CFAP43: variants seen among roughly 807,000 people sequenced by gnomAD.
CFAP43 encodes cilia- and flagella-associated protein 43.
CFAP43 carries 155 observed loss-of-function variants against 218.9 expected under a neutral mutation model. That is an observed-to-expected ratio of 0.71 (90% CI 0.62 to 0.81). The LOEUF is 0.81. Ranked by LOEUF, CFAP43 falls within the 30% of genes least tolerant of loss-of-function variation. CFAP43 has a pLI of 0.00. For synonymous variants in CFAP43, 645 were observed against 681.3 expected (o/e 0.95, Z 0.83); for missense variants, 1,778 against 1,954.3 (o/e 0.91, Z 1.70).
intron 8 of CFAP43, among the ~76,000 whole-genome samples, chr10:104,203,233 C>T (rs1013562047): frequency 2.0e-5 from 3 of 152,226 alleles, no homozygotes; most frequent in South Asian, 2.1e-4. Flanking sequence ...GGGGTAGACA[C>T]GTGATTCAGT....
At chr10:104,155,354 C>T (rs1378051253) in intron 27 of CFAP43, among the ~76,000 whole-genome samples, 1 of 152,174 alleles carries the variant, frequency 6.6e-6, no homozygotes, top group Non-Finnish European at 1.5e-5. Context: ...GGGATGGGCA[C>T]AGCAGCTGGC....
At chr10:104,181,093 T>C (rs1046580992) in intron 17 of CFAP43, among the ~76,000 whole-genome samples, 2 of 152,190 alleles carry the variant, frequency 1.3e-5, no homozygotes, top group Non-Finnish European at 2.9e-5. Flanking sequence ...TCTAACAGGC[T>C]TCTCGAGCTT....
In CFAP43 at chr10:104,146,247, A is replaced by G; in HGVS notation, c.3855+16T>C. 1 of 1,608,900 alleles carries G rather than the reference A, an allele frequency of 6.2e-7. No homozygotes were observed. Among genetic ancestry groups the G allele is most frequent in the Non-Finnish European group, 8.5e-7 (1 of 1,175,386 alleles). ...ACTCTACTGCATTGTTGAGTGGGTAAGACAACAACTCTCACTTTGTCTTCT... is the reference window on the plus strand; with the variant it reads ...ACTCTACTGCATTGTTGAGTGGGTAGGACAACAACTCTCACTTTGTCTTCT... On this transcript the variant is annotated intron_variant, in intron 30 of 37. Transcript: ENST00000357060.
intron 34 of CFAP43, 129 bp from the exon 35 acceptor site, chr10:104,133,913 C>T: frequency 2.2e-6 from 2 of 926,370 alleles, no homozygotes; most frequent in Non-Finnish European, 3.1e-6. Context: ...TTTTAAGAAA[C>T]AGACATTAAA....
intron 28 of CFAP43, among the ~76,000 whole-genome samples, chr10:104,151,212 C>T (rs1486869304): frequency 2.0e-5 from 3 of 152,214 alleles, no homozygotes; most frequent in African/African-American, 7.2e-5. Context: ...CATATGCATG[C>T]ATGTGTCTTT....
Position 104,166,482 on chromosome 10 carries a change from A to G in CFAP43, c.3039+6T>C, listed in dbSNP as rs2089159303. On this transcript the variant is annotated splice_donor_region_variant and intron_variant, in intron 23 of 37. Coordinates refer to ENST00000357060, the MANE Select transcript of CFAP43 (RefSeq NM_025145.7). ...ATTTTTCAGGATAAAAAGAAAATTG[A>G]CCCACTTTCAATAATATAATTTGGT... is the stretch of plus-strand genomic sequence containing the variant. 6.2e-7 allele frequency: 1 copy of G among 1,604,776 alleles called. No homozygotes were observed. The highest frequency in any genetic ancestry group is 8.5e-7 in the Non-Finnish European group (1 of 1,174,874).
intron 19 of CFAP43, among the ~76,000 whole-genome samples, chr10:104,177,745 T>C (rs1158342863): frequency 1.3e-5 from 2 of 152,156 alleles, no homozygotes; most frequent in Non-Finnish European, 2.9e-5. Context: ...ATTCTATAAG[T>C]CTCCAAAGAT....
At chr10:104,182,774 T>C (rs1176414179) in intron 16 of CFAP43, among the ~76,000 whole-genome samples, 1 of 152,148 alleles carries the variant, frequency 6.6e-6, no homozygotes, top group African/African-American at 2.4e-5. Context: ...TACAGTGATG[T>C]AATCACAGCT....
intron 20 of CFAP43, among the ~76,000 whole-genome samples, chr10:104,172,028 A>C (rs2089434085): frequency 6.6e-6 from 1 of 152,240 alleles, no homozygotes; most frequent in Non-Finnish European, 1.5e-5. Flanking sequence ...GGAAGTGCTC[A>C]AAGAGTAGAA....
intron 29 of CFAP43, among the ~76,000 whole-genome samples, chr10:104,147,530 C>A (rs2088034545): frequency 6.6e-6 from 1 of 151,988 alleles, no homozygotes; most frequent in African/African-American, 2.4e-5. Context: ...GAAAAACATT[C>A]CCTAGGTAAG....
intron 24 of CFAP43, 85 bp downstream of exon 24, chr10:104,164,009 C>T: frequency 7.2e-7 from 1 of 1,388,720 alleles, no homozygotes; most frequent in Non-Finnish European, 1.0e-6. Context: ...ACAATCACTT[C>T]CCACAGAGTA....
In CFAP43 at chr10:104,220,950, G is replaced by A. The variant is rs564079100; in HGVS notation, c.416+4511C>T. Among the ~76,000 whole-genome samples the A allele has an allele frequency of 3.3e-4, 9 of 27,090 alleles. No individual in the cohort carries two copies. In the South Asian group the frequency reaches 0.01, roughly 30 times the overall value. 17.8% of individuals were successfully genotyped at this position (27,090 alleles called of 152,430 possible). On this transcript the variant is annotated intron_variant, in intron 3 of 37. Transcript: ENST00000357060. ...TTTTTCTAACTCTATATGAGTGAGCGTGTGTGTGTGTGTGTGTGTGTGTGT... is the reference window on the plus strand; with the variant it reads ...TTTTTCTAACTCTATATGAGTGAGCATGTGTGTGTGTGTGTGTGTGTGTGT...
chr10:104,224,100 G>C (rs12782117), intron 3 of CFAP43, among the ~76,000 whole-genome samples: 19,106 of 152,162 alleles, frequency 0.13, 1,508 homozygotes, highest in Non-Finnish European at 0.17. Context: ...CTGGAGTGCA[G>C]TGGCGCAATC....
intron 19 of CFAP43, among the ~76,000 whole-genome samples, chr10:104,175,375 C>T (rs1435326193): frequency 2.0e-5 from 3 of 152,120 alleles, no homozygotes; most frequent in East Asian, 1.9e-4. Context: ...CAGTGAGCTA[C>T]GCTTATGCCA....
chr10:104,228,921 A>G (rs1469104302), intron 2 of CFAP43, among the ~76,000 whole-genome samples: 6 of 152,174 alleles, frequency 3.9e-5, no homozygotes, highest in Non-Finnish European at 2.9e-5. Context: ...TAATAGTGAT[A>G]ACAGGTCTCT....
intron 8 of CFAP43, among the ~76,000 whole-genome samples, chr10:104,202,128 T>C (rs2090552062): frequency 6.6e-6 from 1 of 152,198 alleles, no homozygotes; most frequent in Non-Finnish European, 1.5e-5. Context: ...TCCAATAAAA[T>C]CTTATTTGAA....
At chr10:104,161,541 A>T (rs1202184226) in intron 26 of CFAP43, among the ~76,000 whole-genome samples, 2 of 152,194 alleles carry the variant, frequency 1.3e-5, no homozygotes, top group African/African-American at 4.8e-5. Flanking sequence ...GACCAAAACC[A>T]CTGTAGTTAC....
At chr10:104,177,376 C>T (rs1285972215) in intron 19 of CFAP43, among the ~76,000 whole-genome samples, 1 of 152,102 alleles carries the variant, frequency 6.6e-6, no homozygotes, top group Non-Finnish European at 1.5e-5. Flanking sequence ...CCTGGAGAGA[C>T]CCATAAATGT....
Position 104,142,875 on chromosome 10 carries a change from T to C in CFAP43, c.4159-482A>G, listed in dbSNP as rs148540043. On this transcript the variant is annotated intron_variant, in intron 32 of 37. Transcript: ENST00000357060. ...TGCTGAGCCAAATATAATTCTAATCTATGCAAAATGAGATAACCTACAACA... is the reference window on the plus strand; with the variant it reads ...TGCTGAGCCAAATATAATTCTAATCCATGCAAAATGAGATAACCTACAACA... Among the ~76,000 whole-genome samples, 5 of 152,266 alleles carry C rather than the reference T, an allele frequency of 3.3e-5. No homozygotes were observed. The East Asian group carries it at 9.6e-4, about 29-fold the overall frequency.
Sources: gnomAD v4.1 joint callset for allele counts (sites outside exome capture counted in the v4.1 genomes callset) on GRCh38, gnomAD v4.1.1 for gene constraint, MANE v1.5 for transcripts, NCBI Gene and HGNC (gene_info 2026-07-23, HGNC 2026-07-21) for gene names.